The following ZNF480 variants were observed in gnomAD, a reference collection of about 807,000 sequenced individuals.
ZNF480 encodes the protein zinc finger protein 480.
ZNF480 carries 15 observed loss-of-function variants against 14.4 expected under a neutral mutation model. The observed-to-expected ratio is 1.04, with a 90% confidence interval of 0.70 to 1.60. The LOEUF (loss-of-function observed/expected upper bound fraction) is 1.60. ZNF480 is among the 40% of genes most tolerant of loss of function. The pLI is 0.00. For synonymous variants in ZNF480, 218 were observed against 215.5 expected (o/e 1.01, Z -0.10); for missense variants, 593 against 629.7 (o/e 0.94, Z 0.62).
intron 2 of ZNF480, among the ~76,000 whole-genome samples, chr19:52,303,090 GA>G (rs1350438828): frequency 2.0e-5 from 3 of 152,192 alleles, no homozygotes; most frequent in African/African-American, 7.2e-5. Flanking sequence ...TGAAGAATTA[GA>G]AATTACATTG....
At position 52,324,445 on chromosome 19, in the gene ZNF480, T is replaced by G; in HGVS notation, c.*1587T>G. ...GAATCAGAAGAAAACATTCTGAAATTTATTTGGAACCAGAAAAGCCCAACC... is the reference window on the plus strand; with the variant it reads ...GAATCAGAAGAAAACATTCTGAAATGTATTTGGAACCAGAAAAGCCCAACC... On this transcript the variant is annotated 3_prime_UTR_variant, in exon 5 of 5. Transcript: ENST00000595962. 6.6e-6 allele frequency: 1 copy of G among 152,134 alleles called. No homozygotes were observed. The highest frequency in any genetic ancestry group is 1.9e-4 in the East Asian group (1 of 5,190). The allele number at this position is 152,134 out of a possible 1,614,324, so 9.4% of individuals were successfully genotyped here.
chr19:52,307,854 T>G (rs1168654678), intron 2 of ZNF480, among the ~76,000 whole-genome samples: 3 of 152,236 alleles, frequency 2.0e-5, no homozygotes, highest in African/African-American at 7.2e-5. Context: ...GCAGGCCAGG[T>G]GTTCCTTGCC....
chr19:52,302,931 G>A (rs1364228952), intron 2 of ZNF480, among the ~76,000 whole-genome samples: 2 of 152,202 alleles, frequency 1.3e-5, no homozygotes, highest in East Asian at 3.8e-4. Context: ...TAAAGGTCCT[G>A]GAAAGGGTGT....
chr19:52,320,091 C>G (rs935349101), intron 4 of ZNF480, among the ~76,000 whole-genome samples: 3 of 151,912 alleles, frequency 2.0e-5, no homozygotes, highest in Non-Finnish European at 2.9e-5. Context: ...GCTGGGATTA[C>G]AAGCGTGAGC....
chr19:52,311,172 T>C (rs1440382770), intron 2 of ZNF480, among the ~76,000 whole-genome samples: 4 of 151,902 alleles, frequency 2.6e-5, no homozygotes, highest in South Asian at 2.1e-4. Context: ...AATAGATAAA[T>C]TTTATGGACA....
At chr19:52,310,398 C>G (rs951152932) in intron 2 of ZNF480, among the ~76,000 whole-genome samples, 4 of 152,102 alleles carry the variant, frequency 2.6e-5, no homozygotes, top group African/African-American at 7.2e-5. Context: ...AAATGACATT[C>G]TTTGTCTTGG....
At chr19:52,313,892 T>C (rs1038296441) in intron 2 of ZNF480, 11 of 387,620 alleles carry the variant, frequency 2.8e-5, no homozygotes, top group Middle Eastern at 1.7e-3. Flanking sequence ...GGCACAAGAA[T>C]TGATTGAACC....
At chr19:52,318,516 A>G (rs1200900168) in intron 4 of ZNF480, among the ~76,000 whole-genome samples, 4 of 152,176 alleles carry the variant, frequency 2.6e-5, no homozygotes, top group Non-Finnish European at 5.9e-5. Context: ...TCTATCCACA[A>G]TAGTTCTCAA....
Position 52,322,678 on chromosome 19 carries a change from C to A in ZNF480, c.1428C>A (p.Ile476=), listed in dbSNP as rs1423677388. Residue 476 remains isoleucine, a synonymous_variant, in exon 5 of 5, where the codon ATC becomes ATA. Transcript: ENST00000595962. The part of the protein sequence containing the change: ...HKLSLTNHQR[I]HTGERPYKCN... The stretch of plus-strand genomic sequence containing the variant: ...TATCACTAACCAATCATCAGAGAAT[C>A]CATACTGGAGAAAGACCTTACAAAT... The A allele has an allele frequency of 6.2e-7, 1 of 1,612,392 alleles. No homozygotes were observed. Among genetic ancestry groups the A allele is most frequent in the Admixed American group, 1.7e-5 (1 of 59,856 alleles).
At chr19:52,298,964 T>C (rs1233017672) in intron 1 of ZNF480, among the ~76,000 whole-genome samples, 1 of 152,202 alleles carries the variant, frequency 6.6e-6, no homozygotes, top group Non-Finnish European at 1.5e-5. Flanking sequence ...GATTAAGTTG[T>C]GACATTGATT....
In ZNF480 at chr19:52,322,561, T is replaced by C. The variant is rs1402439104; in HGVS notation, c.1311T>C (p.Ser437=). 6.2e-7 allele frequency: 1 copy of C among 1,613,914 alleles called. No individual in the cohort carries two copies. The highest frequency in any genetic ancestry group is 2.2e-5 in the East Asian group (1 of 44,878). ...YKCNECGKAF[S]EYSGLSAHLV... is the part of the protein sequence containing the mutation. ...GTAATGAATGTGGTAAAGCATTTAGTGAGTATTCAGGCCTTTCAGCCCATC... is the reference window on the plus strand; with the variant it reads ...GTAATGAATGTGGTAAAGCATTTAGCGAGTATTCAGGCCTTTCAGCCCATC... The change falls in exon 5 of 5, where the codon AGT becomes AGC. Residue 437 remains serine, a synonymous_variant. Transcript: ENST00000595962.
At chr19:52,314,019 A>C in intron 2 of ZNF480, 134 bp from the exon 3 acceptor site, 1 of 1,009,636 alleles carries the variant, frequency 9.9e-7, no homozygotes. Flanking sequence ...ACATAACTAC[A>C]TCACAGATAC....
At chr19:52,300,582 T>C in intron 2 of ZNF480, 98 bp downstream of exon 2, 1 of 1,584,622 alleles carries the variant, frequency 6.3e-7, no homozygotes, top group Non-Finnish European at 8.6e-7. Context: ...GTGTCCTGCC[T>C]GACAGGTTTG....
Position 52,322,420 on chromosome 19 carries a change from G to C in ZNF480, c.1170G>C (p.Trp390Cys). Reference sequence around the variant, plus strand: ...AAAATTCGCACCTAGCACAACATTGGAGAATTCATACAGGAGAGAAACCTT... The same window carrying C: ...AAAATTCGCACCTAGCACAACATTGCAGAATTCATACAGGAGAGAAACCTT... ...FIQNSHLAQH[W>C]RIHTGEKPYK... Residue 390 changes from tryptophan to cysteine, a missense_variant, in exon 5 of 5, where the codon TGG (tryptophan) becomes TGC (cysteine). Transcript: ENST00000595962. 6.2e-7 allele frequency: 1 copy of C among 1,613,540 alleles called. No individual in the cohort carries two copies. Among genetic ancestry groups the C allele is most frequent in the South Asian group, 1.1e-5 (1 of 91,028 alleles).
chr19:52,322,086 G>T lies in ZNF480; in HGVS notation c.836G>T (p.Arg279Ile), dbSNP rs766269883. ...AATTCAAACTTTGCACGACATCAAA[G>T]AATTCATACCAGAGAGAAGCCGTAT... is the stretch of plus-strand genomic sequence containing the variant. Reference protein sequence around the residue: ...SYNSNFARHQRIHTREKPYEC... With the variant: ...SYNSNFARHQIIHTREKPYEC... The change falls in exon 5 of 5, where the codon AGA (arginine) becomes ATA (isoleucine). Residue 279 changes from arginine (R) to isoleucine (I), a missense_variant. Arg to Ile is a moderately conservative substitution (Grantham distance 97). Transcript: ENST00000595962. 9 of 1,613,884 alleles carry T rather than the reference G, an allele frequency of 5.6e-6. No individual in the cohort carries two copies. The highest frequency in any genetic ancestry group is 2.2e-5 in the South Asian group (2 of 91,070).
rs372594634 is a variant in ZNF480 at position 52,297,296 on chromosome 19, G to A, written c.-20+73G>A. 6 of 428,362 alleles carry A rather than the reference G, an allele frequency of 1.4e-5. No homozygotes were observed. In the East Asian group the frequency reaches 2.8e-4, roughly 20 times the overall value. 26.5% of individuals were successfully genotyped at this position (428,362 alleles called of 1,614,324 possible). ...CGCTTCTGTACCCGGGATCTGAGGGGCCACACAGACCTTGAAATCCTCGCA... is the reference window on the plus strand; with the variant it reads ...CGCTTCTGTACCCGGGATCTGAGGGACCACACAGACCTTGAAATCCTCGCA... On this transcript the variant is annotated intron_variant, in intron 1 of 4. Transcript: ENST00000595962.
rs1174726420 is a variant in ZNF480, at chr19:52,321,431, A to G, written c.329-148A>G. ...CCAGTGCATCACCTTACCCTTTTCT[A>G]TTTTCAGCACAACCAGCGTGATGTA... is the stretch of plus-strand genomic sequence containing the variant. On this transcript the variant is annotated intron_variant, in intron 4 of 4. Transcript: ENST00000595962. 3.2e-5 allele frequency: 22 copies of G among 677,952 alleles called. No homozygotes were observed. The East Asian group carries it at 5.4e-4, about 17-fold the overall frequency. 42.0% of individuals were successfully genotyped at this position (677,952 alleles called of 1,614,324 possible).
In ZNF480 at chr19:52,322,010, A is replaced by G. The variant is rs1983846009; in HGVS notation, c.760A>G (p.Thr254Ala). 4 of 1,612,510 alleles carry G rather than the reference A, an allele frequency of 2.5e-6. No individual in the cohort carries two copies. Among genetic ancestry groups the G allele is most frequent in the Non-Finnish European group, 3.4e-6 (4 of 1,178,696 alleles). ...SHLAEHCRIH[T>A]GEKPYKCNVC... ...CCTTGCAGAACATTGTAGAATTCAT[A>G]CTGGAGAGAAACCTTACAAATGTAA... The change falls in exon 5 of 5, where the codon ACT becomes GCT. Residue 254 changes from threonine to alanine, a missense_variant. Thr to Ala is a moderately conservative substitution (Grantham distance 58). Transcript: ENST00000595962.
Position 52,322,011 on chromosome 19 carries a change from C to T in ZNF480, c.761C>T (p.Thr254Ile). ...CTTGCAGAACATTGTAGAATTCATA[C>T]TGGAGAGAAACCTTACAAATGTAAT... ...SHLAEHCRIH[T>I]GEKPYKCNVC... The change falls in exon 5 of 5, where the codon ACT becomes ATT. Residue 254 changes from threonine (T) to isoleucine (I), a missense_variant. Coordinates refer to ENST00000595962, the MANE Select transcript of ZNF480 (RefSeq NM_144684.4). 1 of 1,612,434 alleles carries T rather than the reference C, an allele frequency of 6.2e-7. No individual in the cohort carries two copies.
Sources: allele counts gnomAD v4.1 joint callset (sites outside exome capture counted in the v4.1 genomes callset), GRCh38; gene constraint gnomAD v4.1.1; transcripts MANE v1.5; gene names NCBI Gene and HGNC (gene_info 2026-07-23, HGNC 2026-07-21).